Variants in TNPO2 observed in about 807,000 individuals in gnomAD.
The protein encoded by TNPO2 is transportin-2.
A neutral mutation model predicts 111.1 loss-of-function variants in TNPO2; 16 were observed. The observed-to-expected ratio is 0.14, with a 90% CI of 0.10 to 0.22. The LOEUF (loss-of-function observed/expected upper bound fraction) is 0.22. TNPO2 is among the 10% of genes least tolerant of loss of function. The pLI, the probability that TNPO2 is intolerant of heterozygous loss-of-function variation, is 1.00. For missense variants in TNPO2, 530 were observed against 1,173.7 expected, an observed-to-expected ratio of 0.45 and a Z score of 8.01; for synonymous variants, 481 against 475.8, an observed-to-expected ratio of 1.01 and a Z score of -0.14.
chr19:12,721,108 G>GGAGGCCCGCC lies in TNPO2; in HGVS notation c.-13-119_-13-118insGGCGGGCCTC. On this transcript the variant is annotated intron_variant, in intron 2 of 25. Transcript: ENST00000425528. This position sits in a 1 kb window ranked among gnomAD's most constrained non-coding sequence, Gnocchi z 4.9. ...ACGGGAACGCCCTCGGCGGACAGGC[G>GGAGGCCCGCC]GAGGCCTCCGATCCACGCCCGCCCA... 4 of 1,522,366 alleles carry GGAGGCCCGCC rather than the reference G, an allele frequency of 2.6e-6. No individual in the cohort carries two copies. Among genetic ancestry groups the GGAGGCCCGCC allele is most frequent in the Non-Finnish European group, 3.5e-6 (4 of 1,141,078 alleles). The allele number at this position is 1,522,366 out of a possible 1,614,324, so 94.3% of individuals were successfully genotyped here.
At position 12,701,958 on chromosome 19, in the gene TNPO2, G is replaced by A; in HGVS notation, c.2412-107C>T. 7.2e-7 allele frequency: 1 copy of A among 1,386,456 alleles called. No individual in the cohort carries two copies. The highest frequency in any genetic ancestry group is 1.2e-5 in the South Asian group (1 of 85,898). The allele number at this position is 1,386,456 out of a possible 1,614,324, so 85.9% of individuals were successfully genotyped here. ...GTGGGCCTGGGACATGCATCTGTGG[G>A]GGTGGGGCAGGGCAGGGAGTCAGTA... On this transcript the variant is annotated intron_variant, in intron 22 of 25. Transcript: ENST00000425528. The surrounding 1 kb of genome is among the most constrained non-coding windows in gnomAD (Gnocchi z 5.0).
At chr19:12,720,550 G>C (rs1173569164) in intron 3 of TNPO2, among the ~76,000 whole-genome samples, 1 of 151,970 alleles carries the variant, frequency 6.6e-6, no homozygotes, top group East Asian at 1.9e-4. Flanking sequence ...CAAACTCCTG[G>C]GCCCAAGCGA....
chr19:12,714,613 T>C (rs2026260848), intron 10 of TNPO2, among the ~76,000 whole-genome samples: 2 of 152,126 alleles, frequency 1.3e-5, no homozygotes, highest in African/African-American at 2.4e-5. Context: ...CATGTGGCCA[T>C]TGATTTTTCA....
At chr19:12,703,291 CCTTT>C in intron 20 of TNPO2, 133 bp downstream of exon 20, 1 of 713,218 alleles carries the variant, frequency 1.4e-6, no homozygotes, top group Non-Finnish European at 2.4e-6. Flanking sequence ...TCACAAATGA[CCTTT>C]CTGCTTGGCT....
chr19:12,717,661 G>T (rs2026439630), intron 5 of TNPO2, among the ~76,000 whole-genome samples: 1 of 152,070 alleles, frequency 6.6e-6, no homozygotes, highest in African/African-American at 2.4e-5. Context: ...CTGGGAGGGG[G>T]TTTTTGCAGG....
At chr19:12,710,531 AG>A (rs2025975596) in intron 13 of TNPO2, 89 bp downstream of exon 13, 1 of 1,445,820 alleles carries the variant, frequency 6.9e-7, no homozygotes, top group African/African-American at 1.4e-5. Context: ...GTAGGCCTCC[AG>A]GGAGAACTGA....
At chr19:12,722,028 G>A (rs1032703823) in intron 2 of TNPO2, 1 of 150,872 alleles carries the variant, frequency 6.6e-6, no homozygotes, top group African/African-American at 2.5e-5. Flanking sequence ...GCCCCTCCCT[G>A]TCAGGACCCA....
At chr19:12,713,571 G>A (rs1307807831) in intron 10 of TNPO2, among the ~76,000 whole-genome samples, 2 of 152,078 alleles carry the variant, frequency 1.3e-5, no homozygotes, top group African/African-American at 4.8e-5. Context: ...AGCACTTTGG[G>A]AGGCCAAAGT....
In TNPO2 at chr19:12,702,522, AC is replaced by A; in HGVS notation, c.2305+300del. Reference sequence around the variant, plus strand: ...GCTGGGATTGCAGGCACGTGCCATTACCCCCGGCTAATTTTTGTATTTTTTA... The same window carrying A: ...GCTGGGATTGCAGGCACGTGCCATTACCCCGGCTAATTTTTGTATTTTTTA... On this transcript the variant is annotated intron_variant, in intron 21 of 25. Transcript: ENST00000425528. This position sits in a 1 kb window ranked among gnomAD's most constrained non-coding sequence, Gnocchi z 5.5. The A allele has an allele frequency of 1.9e-6, 1 of 515,242 alleles. No homozygotes were observed. Among genetic ancestry groups the A allele is most frequent in the Admixed American group, 3.2e-5 (1 of 31,216 alleles). 31.9% of individuals were successfully genotyped at this position (515,242 alleles called of 1,614,324 possible). A position where few individuals can be genotyped will look rare whatever the true frequency, so the allele number is the denominator to read the frequency against.
chr19:12,715,596 C>T lies in TNPO2; in HGVS notation c.432+37G>A. ...GTGGTGGGTGGTGGTCCCAGCCCCC[C>T]AGTACTCGCTCTGGCCATCCATGGC... is the stretch of plus-strand genomic sequence containing the variant. On this transcript the variant is annotated intron_variant, in intron 6 of 25. Transcript: ENST00000425528. The surrounding 1 kb of genome is among the most constrained non-coding windows in gnomAD (Gnocchi z 7.1). 1.2e-6 allele frequency: 2 copies of T among 1,613,548 alleles called. No individual in the cohort carries two copies. Among genetic ancestry groups the T allele is most frequent in the Non-Finnish European group, 1.7e-6 (2 of 1,179,622 alleles).
In TNPO2 at chr19:12,702,477, C is replaced by A; in HGVS notation, c.2306-300G>T. Reference sequence around the variant, plus strand: ...TGGCATGATCTTGGCTCATTGCAACCTGCCTCAGCCTCCCGAGTAGCTGGG... The same window carrying A: ...TGGCATGATCTTGGCTCATTGCAACATGCCTCAGCCTCCCGAGTAGCTGGG... On this transcript the variant is annotated intron_variant, in intron 21 of 25. Transcript: ENST00000425528. This position sits in a 1 kb window ranked among gnomAD's most constrained non-coding sequence, Gnocchi z 5.5. 1.8e-6 allele frequency: 1 copy of A among 571,258 alleles called. No homozygotes were observed. Among genetic ancestry groups the A allele is most frequent in the Non-Finnish European group, 3.2e-6 (1 of 314,456 alleles). The allele number at this position is 571,258 out of a possible 1,614,324, so 35.4% of individuals were successfully genotyped here.
chr19:12,707,582 C>T (rs999294549), intron 13 of TNPO2, among the ~76,000 whole-genome samples: 3 of 144,134 alleles, frequency 2.1e-5, no homozygotes, highest in Admixed American at 1.4e-4. Context: ...CTCTGCCTCC[C>T]GGGTTCAAGT....
At chr19:12,704,991 T>C (rs1306465877) in intron 18 of TNPO2, among the ~76,000 whole-genome samples, 3 of 152,090 alleles carry the variant, frequency 2.0e-5, no homozygotes, top group Non-Finnish European at 2.9e-5. Flanking sequence ...TTTTCTATTT[T>C]CAATACTGTT....
In TNPO2 at chr19:12,703,870, A is replaced by T. The variant is rs770086241; in HGVS notation, c.2023-69T>A. ...CTAACCAGGACAGCTCAGGGGGCAC[A>T]GTCCCTGGTGCATGTCCAGCCTCTG... is the stretch of plus-strand genomic sequence containing the variant. On this transcript the variant is annotated intron_variant, in intron 18 of 25. Transcript: ENST00000425528. The T allele has an allele frequency of 6.5e-4, 879 of 1,359,420 alleles. 9 individuals are homozygous for T. In the African/African-American group the frequency reaches 0.011, roughly 17 times the overall value. 84.2% of individuals were successfully genotyped at this position (1,359,420 alleles called of 1,614,324 possible).
At position 12,703,706 on chromosome 19, in the gene TNPO2, T is replaced by C. The variant is rs757589984; in HGVS notation, c.2110+8A>G. On this transcript the variant is annotated splice_region_variant and intron_variant, in intron 19 of 25. Transcript: ENST00000425528. ...GGTCATGGGTTAGGGACAAGGCGAGTGTCGTACCGATACAGGGCTTGACAT... is the reference window on the plus strand; with the variant it reads ...GGTCATGGGTTAGGGACAAGGCGAGCGTCGTACCGATACAGGGCTTGACAT... The C allele has an allele frequency of 3.7e-6, 6 of 1,606,762 alleles. No individual in the cohort carries two copies. The East Asian group carries it at 1.3e-4, about 36-fold the overall frequency.
chr19:12,711,572 A>G lies in TNPO2; in HGVS notation c.932T>C (p.Ile311Thr). 6.2e-7 allele frequency: 1 copy of G among 1,613,870 alleles called. No individual in the cohort carries two copies. Among genetic ancestry groups the G allele is most frequent in the Non-Finnish European group, 8.5e-7 (1 of 1,179,852 alleles). Reference sequence around the variant, plus strand: ...CCTGACCTTGAGCAGGATGATGTCAATTTCCGAGTACTTCATCCCATTCAC... The same window carrying G: ...CCTGACCTTGAGCAGGATGATGTCAGTTTCCGAGTACTTCATCCCATTCAC... Reference protein sequence around the residue: ...ILVNGMKYSEIDIILLKGDVE... With the variant: ...ILVNGMKYSETDIILLKGDVE... The change falls in exon 11 of 26, where the codon ATT (isoleucine) becomes ACT (threonine). Residue 311 changes from isoleucine to threonine, a missense_variant. This residue lies in a region of TNPO2 where 156 missense variants were observed against 405.8 expected (regional missense o/e 0.38). Coordinates refer to ENST00000425528, the MANE Select transcript of TNPO2 (RefSeq NM_001382241.1).
chr19:12,702,309 G>A lies in TNPO2; in HGVS notation c.2306-132C>T, dbSNP rs2025364525. On this transcript the variant is annotated intron_variant, in intron 21 of 25. Transcript: ENST00000425528. The surrounding 1 kb of genome is among the most constrained non-coding windows in gnomAD (Gnocchi z 5.5). The stretch of plus-strand genomic sequence containing the variant: ...TCCCCCAAGCTTGGCCCAGCCAGGG[G>A]TCCTCCTCATCACACCTGAGTCACT... 1 of 732,964 alleles carries A rather than the reference G, an allele frequency of 1.4e-6. No homozygotes were observed. The highest frequency in any genetic ancestry group is 2.4e-6 in the Non-Finnish European group (1 of 417,142). The allele number at this position is 732,964 out of a possible 1,614,324, so 45.4% of individuals were successfully genotyped here. A position where few individuals can be genotyped will look rare whatever the true frequency, so the allele number is the denominator to read the frequency against.
chr19:12,720,572 C>T (rs1462206405), intron 3 of TNPO2, among the ~76,000 whole-genome samples: 1 of 152,224 alleles, frequency 6.6e-6, no homozygotes, highest in Admixed American at 6.5e-5. Flanking sequence ...CTACCTGCTT[C>T]GGCCTACCAA....
At chr19:12,703,250 C>G (rs141755114) in intron 20 of TNPO2, among the ~76,000 whole-genome samples, 178 bp downstream of exon 20, 315 of 152,328 alleles carry the variant, frequency 2.1e-3, no homozygotes, top group Non-Finnish European at 3.2e-3. Flanking sequence ...ATCAGAACAG[C>G]CCTCCTATCC....
Sources: gnomAD v4.1 joint callset for allele counts (sites outside exome capture counted in the v4.1 genomes callset) on GRCh38, gnomAD v4.1.1 for gene constraint, gnomAD v4.1.1 regional missense constraint, Gnocchi (gnomAD v3.1) non-coding constraint, MANE v1.5 for transcripts, NCBI Gene and HGNC (gene_info 2026-07-23, HGNC 2026-07-21) for gene names.